The following SLC12A1 variants were observed in gnomAD, a reference collection of about 807,000 sequenced individuals.
The protein encoded by SLC12A1 is solute carrier family 12 member 1.
A neutral mutation model predicts 130.4 loss-of-function variants in SLC12A1; 89 were observed. That is an observed-to-expected ratio of 0.68 (90% CI 0.58 to 0.81). The LOEUF (loss-of-function observed/expected upper bound fraction) is 0.81, where lower values mean the gene tolerates loss of function less well. Ranked by LOEUF, SLC12A1 falls within the 40% of genes least tolerant of loss-of-function variation. The probability of loss-of-function intolerance (pLI) is 0.00; values close to 1 mark genes in which losing one functional copy is unlikely to be tolerated. For synonymous variants in SLC12A1, 499 were observed against 460.0 expected (o/e 1.08, Z -1.09); for missense variants, 1,310 against 1,336.4 (o/e 0.98, Z 0.31).
At chr15:48,272,695 T>C (rs561822816) in intron 19 of SLC12A1, among the ~76,000 whole-genome samples, 2 of 152,334 alleles carry the variant, frequency 1.3e-5, no homozygotes, top group African/African-American at 4.8e-5. Flanking sequence ...CCAGAGTGTT[T>C]GGATTACAGA....
At chr15:48,263,205 T>C (rs912917668) in intron 17 of SLC12A1, among the ~76,000 whole-genome samples, 4 of 152,162 alleles carry the variant, frequency 2.6e-5, no homozygotes, top group Non-Finnish European at 5.9e-5. Flanking sequence ...TAAACAGATA[T>C]ACATTTAAGG....
chr15:48,215,948 G>A lies in SLC12A1; in HGVS notation c.421-4686G>A, dbSNP rs150025882. 2.4e-3 allele frequency among the ~76,000 whole-genome samples: 366 copies of A among 152,184 alleles called. 6 individuals carry two copies. Among genetic ancestry groups the A allele is most frequent in the Non-Finnish European group, 4.4e-4 (30 of 67,992 alleles). On this transcript the variant is annotated intron_variant, in intron 2 of 26. Coordinates refer to ENST00000380993, the MANE Select transcript of SLC12A1 (RefSeq NM_000338.3). ...AGATTCCAAGTATCCTAGTTTATAC[G>A]GTGCAGGATTTTTTGGCTCCTACAT...
intron 17 of SLC12A1, among the ~76,000 whole-genome samples, chr15:48,262,325 G>A (rs909653761): frequency 3.9e-5 from 6 of 152,190 alleles, no homozygotes; most frequent in Non-Finnish European, 5.9e-5. Context: ...GGAGCAAGAC[G>A]TAGAACTCAT....
intron 19 of SLC12A1, 113 bp from the exon 20 acceptor site, chr15:48,274,458 G>A (rs2041929466): frequency 6.9e-6 from 5 of 725,916 alleles, no homozygotes; most frequent in South Asian, 3.0e-5. Context: ...ATTCTAAGGT[G>A]GATTTTAATA....
chr15:48,260,510 A>C (rs2041763249), intron 17 of SLC12A1, among the ~76,000 whole-genome samples: 1 of 152,184 alleles, frequency 6.6e-6, no homozygotes, highest in African/African-American at 2.4e-5. Context: ...AGCCTAGTGA[A>C]GCAGGAAAGA....
intron 2 of SLC12A1, among the ~76,000 whole-genome samples, chr15:48,213,535 G>T (rs905271631): frequency 2.2e-5 from 3 of 134,714 alleles, no homozygotes; most frequent in East Asian, 2.2e-4. Flanking sequence ...ACGGGATCTC[G>T]CTCTGTCACC....
intron 10 of SLC12A1, 115 bp from the exon 11 acceptor site, chr15:48,244,638 G>T: frequency 9.8e-7 from 1 of 1,020,582 alleles, no homozygotes; most frequent in South Asian, 1.6e-5. Context: ...TACTCACAGT[G>T]AACAGAGGCT....
At chr15:48,227,154 C>A in intron 5 of SLC12A1, 2 of 1,550,754 alleles carry the variant, frequency 1.3e-6, no homozygotes, top group Non-Finnish European at 1.7e-6. Flanking sequence ...GCTATTTGCA[C>A]GAATGGAGTA....
chr15:48,216,946 A>G (rs752724195), intron 2 of SLC12A1, among the ~76,000 whole-genome samples: 1 of 152,210 alleles, frequency 6.6e-6, no homozygotes, highest in Non-Finnish European at 1.5e-5. Context: ...GCTGTCCAAT[A>G]TGGTAGCCAC....
chr15:48,254,537 T>C (rs1174018400), intron 15 of SLC12A1, among the ~76,000 whole-genome samples: 2 of 146,310 alleles, frequency 1.4e-5, no homozygotes, highest in East Asian at 4.0e-4. Flanking sequence ...CTGTACATTC[T>C]TGTCAGGGAC....
chr15:48,291,262 A>C (rs1333249295), intron 23 of SLC12A1, among the ~76,000 whole-genome samples: 1 of 147,928 alleles, frequency 6.8e-6, no homozygotes, highest in Non-Finnish European at 1.5e-5. Flanking sequence ...ATATATATAT[A>C]TGTGAGGTTT....
intron 1 of SLC12A1, 62 bp from the exon 2 acceptor site, chr15:48,207,472 C>A: frequency 3.2e-6 from 1 of 308,580 alleles, no homozygotes; most frequent in Non-Finnish European, 5.9e-6. Flanking sequence ...CCTTATATCC[C>A]ACCCTTACCT....
At position 48,254,592 on chromosome 15, in the gene SLC12A1, T is replaced by TAAAAAAAAAAAAAAA. The variant is rs550686114; in HGVS notation, c.1943-1195_1943-1181dup. On this transcript the variant is annotated intron_variant, in intron 15 of 26. Transcript: ENST00000380993. ...AAGATCCATTTAATACTTAAATTCG[T>TAAAAAAAAAAAAAAA]AAAAAAAAAAAAAAAAAAAAAAAAA... Among the ~76,000 whole-genome samples, 12 of 52,890 alleles carry TAAAAAAAAAAAAAAA rather than the reference T, an allele frequency of 2.3e-4. 1 individual carries two copies. The highest frequency in any genetic ancestry group is 3.8e-4 in the Non-Finnish European group (9 of 23,404). 34.7% of individuals were successfully genotyped at this position (52,890 alleles called of 152,430 possible). A position where few individuals can be genotyped will look rare whatever the true frequency, so the allele number is the denominator to read the frequency against.
chr15:48,240,163 G>A (rs1057208609), intron 9 of SLC12A1, among the ~76,000 whole-genome samples: 8 of 141,716 alleles, frequency 5.6e-5, no homozygotes, highest in Admixed American at 1.4e-4. Flanking sequence ...ATATATTTCT[G>A]TTCTTCCCAC....
At position 48,292,175 on chromosome 15, in the gene SLC12A1, T is replaced by G. The variant is rs542001293; in HGVS notation, c.2960+311T>G. 3.9e-5 allele frequency among the ~76,000 whole-genome samples: 6 copies of G among 152,364 alleles called. No homozygotes were observed. The South Asian group carries it at 1.2e-3, about 32-fold the overall frequency. Reference sequence around the variant, plus strand: ...CAGCACGAAGTGCAAGGTCATACTATTCTGAATGGAGCCATCAGGGCAAGT... The same window carrying G: ...CAGCACGAAGTGCAAGGTCATACTAGTCTGAATGGAGCCATCAGGGCAAGT... On this transcript the variant is annotated intron_variant, in intron 24 of 26. Transcript: ENST00000380993.
chr15:48,213,243 A>G (rs1250061405), intron 2 of SLC12A1, among the ~76,000 whole-genome samples: 1 of 152,136 alleles, frequency 6.6e-6, no homozygotes, highest in African/African-American at 2.4e-5. Context: ...TCATTAACTC[A>G]TTCAACAGCT....
At chr15:48,264,771 G>C (rs1022853841) in intron 17 of SLC12A1, among the ~76,000 whole-genome samples, 4 of 152,106 alleles carry the variant, frequency 2.6e-5, no homozygotes, top group Non-Finnish European at 4.4e-5. Context: ...ACTGCACTTG[G>C]TGAATTCCTC....
At chr15:48,259,128 T>C in intron 16 of SLC12A1, 72 bp from the exon 17 acceptor site, 1 of 980,428 alleles carries the variant, frequency 1.0e-6, no homozygotes, top group South Asian at 1.3e-5. Context: ...GTACCTGTCA[T>C]CCCACTGGAA....
intron 15 of SLC12A1, 122 bp downstream of exon 15, chr15:48,251,892 T>C: frequency 1.3e-6 from 1 of 794,224 alleles, no homozygotes; most frequent in Admixed American, 2.7e-5. Context: ...ATATTAATAA[T>C]ATCGTGCAAT....
Sources: gnomAD v4.1 joint callset for allele counts (sites outside exome capture counted in the v4.1 genomes callset) on GRCh38, gnomAD v4.1.1 for gene constraint, MANE v1.5 for transcripts, NCBI Gene and HGNC (gene_info 2026-07-23, HGNC 2026-07-21) for gene names.